The following THADA variants were observed in gnomAD, a reference collection of about 807,000 sequenced individuals.
THADA encodes the protein tRNA (32-2'-O)-methyltransferase regulator THADA.
Under a neutral mutation model 219.8 loss-of-function variants are expected in THADA, and 213 were observed. That is an observed-to-expected ratio of 0.97 (90% confidence interval 0.87 to 1.09). THADA has a LOEUF of 1.09. Among genes scored for constraint, THADA ranks in the 50% least tolerant of loss-of-function variants. The pLI, the probability that THADA is intolerant of heterozygous loss-of-function variation, is 0.00. For missense variants in THADA, 2,956 were observed against 2,311.3 expected, an observed-to-expected ratio of 1.28 and a Z score of -5.72; for synonymous variants, 1,018 against 828.9, an observed-to-expected ratio of 1.23 and a Z score of -3.92.
At chr2:43,301,342 A>ATACG (rs1483157555) in intron 31 of THADA, among the ~76,000 whole-genome samples, 6 of 152,262 alleles carry the variant, frequency 3.9e-5, no homozygotes, top group Non-Finnish European at 7.3e-5. Context: ...AAAAGAACGA[A>ATACG]TACGCACTAT....
intron 29 of THADA, among the ~76,000 whole-genome samples, chr2:43,363,526 A>G (rs1573280446): frequency 1.3e-5 from 2 of 152,348 alleles, no homozygotes; most frequent in South Asian, 4.1e-4. Flanking sequence ...TTGTTTATTC[A>G]AAAGCCTTTG....
chr2:43,290,176 T>C (rs1337945160), intron 34 of THADA, among the ~76,000 whole-genome samples: 2 of 151,988 alleles, frequency 1.3e-5, no homozygotes, highest in Non-Finnish European at 2.9e-5. Context: ...GTTTCACTGT[T>C]GGTCAGGCTA....
intron 20 of THADA, among the ~76,000 whole-genome samples, chr2:43,544,879 C>A (rs893275411): frequency 6.7e-6 from 1 of 149,736 alleles, no homozygotes; most frequent in African/African-American, 2.5e-5. Context: ...CCTTCTCCTG[C>A]CTAATTGCCC....
chr2:43,501,307 C>CAAAAAAAAAAAAAAAAAAAAAAAAA (rs60448094), intron 24 of THADA, among the ~76,000 whole-genome samples: 2 of 15,042 alleles, frequency 1.3e-4, no homozygotes, highest in East Asian at 3.2e-3. Context: ...ACTCCAACTC[C>CAAAAAAAAAAAAAAAAAAAAAAAAA]AAAAAAAAAA....
rs1159970547 is a variant in THADA at position 43,514,711 on chromosome 2, TA to T, written c.3375-5932del. 4.6e-4 allele frequency among the ~76,000 whole-genome samples: 33 copies of T among 71,154 alleles called. 2 individuals are homozygous for T. The highest frequency in any genetic ancestry group is 2.2e-3 in the African/African-American group (31 of 14,384). The allele number at this position is 71,154 out of a possible 152,430, so 46.7% of individuals were successfully genotyped here. A position where few individuals can be genotyped will look rare whatever the true frequency, so the allele number is the denominator to read the frequency against. ...ATATATAATATATATAATATATATA[TA>T]AATATATATTATATATAATATGTAT... On this transcript the variant is annotated intron_variant, in intron 22 of 37. Coordinates refer to ENST00000405975, the MANE Select transcript of THADA (RefSeq NM_022065.5).
At chr2:43,472,719 C>A (rs1176993349) in intron 26 of THADA, among the ~76,000 whole-genome samples, 1 of 152,152 alleles carries the variant, frequency 6.6e-6, no homozygotes, top group African/African-American at 2.4e-5. Flanking sequence ...GTGTAAACAT[C>A]GTAGAGTATA....
intron 8 of THADA, among the ~76,000 whole-genome samples, chr2:43,579,865 C>T (rs2104079882): frequency 6.6e-6 from 1 of 152,254 alleles, no homozygotes; most frequent in East Asian, 1.9e-4. Flanking sequence ...ACTGCCTATA[C>T]CAGTTCTGGA....
intron 26 of THADA, among the ~76,000 whole-genome samples, chr2:43,476,837 T>C (rs1685612455): frequency 6.6e-6 from 1 of 152,154 alleles, no homozygotes; most frequent in Non-Finnish European, 1.5e-5. Flanking sequence ...GTCAAATCAT[T>C]GGGAAAATGG....
intron 16 of THADA, among the ~76,000 whole-genome samples, chr2:43,557,636 G>A (rs772723062): frequency 1.6e-4 from 25 of 152,212 alleles, no homozygotes; most frequent in Non-Finnish European, 2.9e-4. Context: ...TGTAGTCATG[G>A]AAAGGCACTG....
At chr2:43,350,342 C>T (rs918457803) in intron 29 of THADA, among the ~76,000 whole-genome samples, 1 of 152,124 alleles carries the variant, frequency 6.6e-6, no homozygotes, top group African/African-American at 2.4e-5. Flanking sequence ...ACAGATACAG[C>T]AAAAATTATT....
rs749050784 is a variant in THADA, at chr2:43,293,180, C to G, written c.4472G>C (p.Arg1491Thr). The G allele has an allele frequency of 3.1e-6, 5 of 1,612,942 alleles. No homozygotes were observed. Among genetic ancestry groups the G allele is most frequent in the Non-Finnish European group, 4.2e-6 (5 of 1,179,242 alleles). ...CAGCTCTGATCCTGAGATAATCCCT[C>G]TGACTTCCTCCCAGAAGCCAAGACT... is the stretch of plus-strand genomic sequence containing the variant. ...LESLGFWEEVRGIISGSELIT... is the reference protein window; with the variant it reads ...LESLGFWEEVTGIISGSELIT... Residue 1491 changes from arginine to threonine, a missense_variant, in exon 32 of 38, where the codon AGA becomes ACA. Arg to Thr is a moderately conservative substitution (Grantham distance 71). Transcript: ENST00000405975.
At chr2:43,236,079 G>A (rs1398346030) in intron 36 of THADA, among the ~76,000 whole-genome samples, 1 of 152,204 alleles carries the variant, frequency 6.6e-6, no homozygotes, top group African/African-American at 2.4e-5. Flanking sequence ...AAAGTGCTGG[G>A]ATTACAGGCG....
chr2:43,505,478 T>C lies in THADA; in HGVS notation c.3621+144A>G, dbSNP rs549032968. 8.0e-5 allele frequency: 39 copies of C among 490,240 alleles called. No homozygotes were observed. The Admixed American group carries it at 1.0e-3, about 13-fold the overall frequency. 30.4% of individuals were successfully genotyped at this position (490,240 alleles called of 1,614,324 possible). ...CTGAGGCAGAAGAATTGCTTGAACCTGGGAGGCGAAGGTTGCAGTGAGCTG... is the reference window on the plus strand; with the variant it reads ...CTGAGGCAGAAGAATTGCTTGAACCCGGGAGGCGAAGGTTGCAGTGAGCTG... On this transcript the variant is annotated intron_variant, in intron 24 of 37. Coordinates refer to ENST00000405975, the MANE Select transcript of THADA (RefSeq NM_022065.5).
In THADA at chr2:43,363,118, G is replaced by A. The variant is rs369886043; in HGVS notation, c.4228-18881C>T. Among the ~76,000 whole-genome samples the A allele has an allele frequency of 5.3e-4, 80 of 152,234 alleles. No homozygotes were observed. The East Asian group carries it at 5.4e-3, about 10-fold the overall frequency. On this transcript the variant is annotated intron_variant, in intron 29 of 37. Coordinates refer to ENST00000405975, the MANE Select transcript of THADA (RefSeq NM_022065.5). ...GGTAGTCACCTCCTATGATAACAAT[G>A]CCTAAATCAGGAATATACTCTAAAG...
intron 26 of THADA, among the ~76,000 whole-genome samples, chr2:43,481,921 T>C (rs1686280535): frequency 6.6e-6 from 1 of 152,202 alleles, no homozygotes; most frequent in Non-Finnish European, 1.5e-5. Context: ...TAGCTGGGAC[T>C]CACAGCTGAA....
Position 43,549,273 on chromosome 2 carries a change from T to C in THADA, c.3043A>G (p.Ser1015Gly). The C allele has an allele frequency of 6.3e-7, 1 of 1,596,384 alleles. No homozygotes were observed. The highest frequency in any genetic ancestry group is 8.5e-7 in the Non-Finnish European group (1 of 1,171,074). Residue 1015 changes from serine to glycine, a missense_variant, in exon 20 of 38, where the codon AGC (serine) becomes GGC (glycine). Transcript: ENST00000405975. Reference sequence around the variant, plus strand: ...GCATTCAAGTCCTTCATATCAAAGCTATCATGTTCTTTCAATATTTTGGCT... The same window carrying C: ...GCATTCAAGTCCTTCATATCAAAGCCATCATGTTCTTTCAATATTTTGGCT... ...NQAKILKEHDSFDMKDLNASV... is the reference protein window; with the variant it reads ...NQAKILKEHDGFDMKDLNASV...
At chr2:43,258,923 T>A (rs956901366) in intron 36 of THADA, among the ~76,000 whole-genome samples, 1 of 152,204 alleles carries the variant, frequency 6.6e-6, no homozygotes, top group Admixed American at 6.5e-5. Flanking sequence ...TACACAGGGC[T>A]CACATTGGGA....
Position 43,344,203 on chromosome 2 carries a change from T to C in THADA, c.4262A>G (p.Lys1421Arg). 1.9e-6 allele frequency: 3 copies of C among 1,612,544 alleles called. No individual in the cohort carries two copies. The highest frequency in any genetic ancestry group is 1.7e-5 in the Admixed American group (1 of 59,874). ...CTGGAAGTCTGAATTCGTTCCGTGT[T>C]TGGAGTCTGAGTAGGCTTGCAACAA... ...FHLLQAYSDS[K>R]HGTNSDFQHE... Residue 1421 changes from lysine to arginine, a missense_variant, in exon 30 of 38, where the codon AAA becomes AGA. Lys to Arg is a conservative substitution (Grantham distance 26). Transcript: ENST00000405975.
At position 43,503,432 on chromosome 2, in the gene THADA, T is replaced by C. The variant is rs75246260; in HGVS notation, c.3621+2190A>G. Among the ~76,000 whole-genome samples the C allele has an allele frequency of 4.1e-3, 618 of 152,188 alleles. 7 individuals carry two copies. The highest frequency in any genetic ancestry group is 0.014 in the African/African-American group (573 of 41,524). ...AATGTTGATTGACAAAAGCAAAGTA[T>C]AAAAAGTGTCGAAAACAACATTCAT... On this transcript the variant is annotated intron_variant, in intron 24 of 37. Transcript: ENST00000405975.
Sources: allele counts gnomAD v4.1 joint callset (sites outside exome capture counted in the v4.1 genomes callset), GRCh38; gene constraint gnomAD v4.1.1; transcripts MANE v1.5; gene names NCBI Gene and HGNC (gene_info 2026-07-23, HGNC 2026-07-21).